IL36G: variants seen among roughly 807,000 people sequenced by gnomAD.
The protein encoded by IL36G is interleukin-36 gamma.
In IL36G, 10 loss-of-function variants were observed where a neutral mutation model predicts 13.5. That is an observed-to-expected ratio of 0.74 (90% CI 0.46 to 1.26). The LOEUF (loss-of-function observed/expected upper bound fraction) is 1.26. IL36G is among the 50% of genes most tolerant of loss of function. The pLI, the probability that IL36G is intolerant of heterozygous loss-of-function variation, is 0.00. For synonymous variants in IL36G, 84 were observed against 74.0 expected (o/e 1.13, Z -0.69); for missense variants, 199 against 203.0 (o/e 0.98, Z 0.12).
Position 112,985,285 on chromosome 2 carries a change from G to T in IL36G, c.*236G>T. On this transcript the variant is annotated 3_prime_UTR_variant, in exon 5 of 5. Coordinates refer to ENST00000259205, the MANE Select transcript of IL36G (RefSeq NM_019618.4). ...TATAAGGCTGTCCTCTCAAGCTGGTGCTGTGTAGGCCACAAGGCATCTGCA... is the reference window on the plus strand; with the variant it reads ...TATAAGGCTGTCCTCTCAAGCTGGTTCTGTGTAGGCCACAAGGCATCTGCA... 1 of 502,434 alleles carries T rather than the reference G, an allele frequency of 2.0e-6. No individual in the cohort carries two copies. The highest frequency in any genetic ancestry group is 3.4e-5 in the Admixed American group (1 of 29,530). 31.1% of individuals were successfully genotyped at this position (502,434 alleles called of 1,614,324 possible). A position where few individuals can be genotyped will look rare whatever the true frequency, so the allele number is the denominator to read the frequency against.
At chr2:112,983,196 T>G (rs1308896320) in intron 4 of IL36G, among the ~76,000 whole-genome samples, 1 of 152,070 alleles carries the variant, frequency 6.6e-6, no homozygotes, top group East Asian at 1.9e-4. Context: ...ATTACTTCAA[T>G]TTTCTCAGTG....
intron 4 of IL36G, among the ~76,000 whole-genome samples, chr2:112,983,707 G>A (rs1204658224): frequency 1.3e-5 from 2 of 152,152 alleles, no homozygotes; most frequent in East Asian, 1.9e-4. Flanking sequence ...CAGGAGCTGG[G>A]TGGCGTAGAC....
chr2:112,978,655 G>C lies in IL36G; in HGVS notation c.17G>C (p.Gly6Ala). 1 of 1,614,180 alleles carries C rather than the reference G, an allele frequency of 6.2e-7. No homozygotes were observed. The highest frequency in any genetic ancestry group is 1.1e-5 in the South Asian group (1 of 91,076). The change falls in exon 2 of 5, where the codon GGA (glycine) becomes GCA (alanine). Residue 6 changes from glycine (G) to alanine (A), a missense_variant. Transcript: ENST00000259205. Reference sequence around the variant, plus strand: ...AACCACACTATGAGAGGCACTCCAGGAGACGCTGATGGTGGAGGAAGGGCC... The same window carrying C: ...AACCACACTATGAGAGGCACTCCAGCAGACGCTGATGGTGGAGGAAGGGCC... MRGTP[G>A]DADGGGRAVY...
intron 4 of IL36G, chr2:112,981,196 T>C: frequency 8.0e-7 from 1 of 1,242,898 alleles, no homozygotes; most frequent in South Asian, 1.2e-5. Context: ...CAGCTTTCTG[T>C]GCCTTCCCTG....
intron 2 of IL36G, among the ~76,000 whole-genome samples, 189 bp downstream of exon 2, chr2:112,978,882 C>T (rs1316189299): frequency 6.6e-6 from 1 of 152,234 alleles, no homozygotes; most frequent in African/African-American, 2.4e-5. Context: ...TGATCCAGCT[C>T]CAGTCCCCAG....
In IL36G at chr2:112,979,328, G is replaced by A. The variant is rs753662165; in HGVS notation, c.160+3G>A. On this transcript the variant is annotated splice_donor_region_variant and intron_variant, in intron 3 of 4. Coordinates refer to ENST00000259205, the MANE Select transcript of IL36G (RefSeq NM_019618.4). ...ACGAAGTGACAGTGTGACCCCAGGT[G>A]AGTGGTCACCCTGTGCCTTCCCCAC... The A allele has an allele frequency of 5.8e-6, 9 of 1,560,874 alleles. No individual in the cohort carries two copies. The South Asian group carries it at 1.0e-4, about 17-fold the overall frequency.
chr2:112,980,966 GAT>G (rs1393595647), intron 4 of IL36G, among the ~76,000 whole-genome samples: 1 of 152,168 alleles, frequency 6.6e-6, no homozygotes, highest in Non-Finnish European at 1.5e-5. Context: ...TCCCCACATC[GAT>G]CCAGCTTTGG....
chr2:112,978,833 C>A (rs1358913680), intron 2 of IL36G, 140 bp downstream of exon 2: 1 of 819,178 alleles, frequency 1.2e-6, no homozygotes, highest in Non-Finnish European at 2.0e-6. Context: ...TACCACTGGG[C>A]CCTGGGCTTC....
rs1421081700 is a variant in IL36G, at chr2:112,985,436, G to C, written c.*387G>C. 1.6e-5 allele frequency: 3 copies of C among 189,786 alleles called. No individual in the cohort carries two copies. The highest frequency in any genetic ancestry group is 5.3e-5 in the Admixed American group (1 of 18,858). The allele number at this position is 189,786 out of a possible 1,614,324, so 11.8% of individuals were successfully genotyped here. ...TAGCACAGAGCTGATCTCTGTTTCT[G>C]TTTTGCTTTATTCCCTCTTGGGATG... On this transcript the variant is annotated 3_prime_UTR_variant, in exon 5 of 5. Transcript: ENST00000259205.
chr2:112,980,160 AG>A lies in IL36G; in HGVS notation c.300+13del. On this transcript the variant is annotated intron_variant, in intron 4 of 4. Coordinates refer to ENST00000259205, the MANE Select transcript of IL36G (RefSeq NM_019618.4). The stretch of plus-strand genomic sequence containing the variant: ...CATTGCAGCTAAAAGTGAGTAGCTA[AG>A]AAAAATATTTAAAAAGCCTTTCCTT... The A allele has an allele frequency of 6.2e-7, 1 of 1,606,112 alleles. No homozygotes were observed. The highest frequency in any genetic ancestry group is 8.5e-7 in the Non-Finnish European group (1 of 1,177,074).
In IL36G at chr2:112,980,085, C is replaced by A. The variant is rs529757051; in HGVS notation, c.237C>A (p.Ile79=). Residue 79 remains isoleucine (I), a synonymous_variant, in exon 4 of 5, where the codon ATC becomes ATA. Transcript: ENST00000259205. ...QGRGDPIYLG[I]QNPEMCLYCE... ...GAGGGGATCCCATTTATTTGGGAAT[C>A]CAGAATCCAGAAATGTGTTTGTATT... The A allele has an allele frequency of 1.7e-5, 27 of 1,614,006 alleles. No individual in the cohort carries two copies. The South Asian group carries it at 3.0e-4, about 18-fold the overall frequency.
At chr2:112,983,725 G>T (rs1342865770) in intron 4 of IL36G, among the ~76,000 whole-genome samples, 1 of 152,126 alleles carries the variant, frequency 6.6e-6, no homozygotes, top group African/African-American at 2.4e-5. Context: ...GACCCTGTGG[G>T]CTTTGCCGAG....
intron 4 of IL36G, among the ~76,000 whole-genome samples, chr2:112,982,977 G>A (rs1684291694): frequency 6.6e-6 from 1 of 152,180 alleles, no homozygotes; most frequent in South Asian, 2.1e-4. Flanking sequence ...TGGTAGAAAT[G>A]ACAGCAAATA....
intron 4 of IL36G, among the ~76,000 whole-genome samples, chr2:112,984,166 A>G (rs1684311571): frequency 6.6e-6 from 1 of 152,226 alleles, no homozygotes; most frequent in Non-Finnish European, 1.5e-5. Flanking sequence ...TGAATTACAG[A>G]TCATTTCTGT....
At chr2:112,980,722 A>G (rs891192774) in intron 4 of IL36G, among the ~76,000 whole-genome samples, 1 of 152,268 alleles carries the variant, frequency 6.6e-6, no homozygotes, top group African/African-American at 2.4e-5. Flanking sequence ...TGGAAAGTCC[A>G]GAGTGCCTGA....
At chr2:112,982,146 A>T (rs1415579098) in intron 4 of IL36G, among the ~76,000 whole-genome samples, 1 of 152,222 alleles carries the variant, frequency 6.6e-6, no homozygotes, top group East Asian at 1.9e-4. Context: ...AAAAATAAAA[A>T]TGGTTACAGC....
intron 4 of IL36G, among the ~76,000 whole-genome samples, chr2:112,982,576 A>C (rs1684282964): frequency 6.6e-6 from 1 of 152,140 alleles, no homozygotes; most frequent in Admixed American, 6.5e-5. Context: ...GGGCCAGGAG[A>C]TAGCAGCAGA....
Position 112,984,946 on chromosome 2 carries a change from C to A in IL36G, c.407C>A (p.Pro136Gln). The A allele has an allele frequency of 1.9e-6, 3 of 1,614,024 alleles. No homozygotes were observed. Among genetic ancestry groups the A allele is most frequent in the Non-Finnish European group, 2.5e-6 (3 of 1,179,950 alleles). ...RTSTLESVAF[P>Q]DWFIASSKRD... The stretch of plus-strand genomic sequence containing the variant: ...TCCACCCTTGAGTCTGTGGCCTTCC[C>A]GGACTGGTTCATTGCCTCCTCCAAG... The change falls in exon 5 of 5, where the codon CCG becomes CAG. Residue 136 changes from proline (P) to glutamine (Q), a missense_variant. Pro to Gln is a moderately conservative substitution (Grantham distance 76, BLOSUM62 -1). Coordinates refer to ENST00000259205, the MANE Select transcript of IL36G (RefSeq NM_019618.4).
rs1380933752 is a variant in IL36G at position 112,978,669 on chromosome 2, G to A, written c.31G>A (p.Gly11Arg). ...AGGCACTCCAGGAGACGCTGATGGT[G>A]GAGGAAGGGCCGTCTATCAATCAAG... Reference protein sequence around the residue: MRGTPGDADGGGRAVYQSMCK... With the variant: MRGTPGDADGRGRAVYQSMCK... Residue 11 changes from glycine to arginine, a missense_variant, in exon 2 of 5, where the codon GGA becomes AGA. Coordinates refer to ENST00000259205, the MANE Select transcript of IL36G (RefSeq NM_019618.4). The A allele has an allele frequency of 6.2e-7, 1 of 1,614,056 alleles. No individual in the cohort carries two copies. Among genetic ancestry groups the A allele is most frequent in the Non-Finnish European group, 8.5e-7 (1 of 1,180,042 alleles).
Sources: allele counts gnomAD v4.1 joint callset (sites outside exome capture counted in the v4.1 genomes callset), GRCh38; gene constraint gnomAD v4.1.1; transcripts MANE v1.5; gene names NCBI Gene and HGNC (gene_info 2026-07-23, HGNC 2026-07-21).